Variants in CDH18 observed in about 807,000 individuals in gnomAD.
The protein encoded by CDH18 is cadherin 18.
A neutral mutation model predicts 67.9 loss-of-function variants in CDH18; 31 were observed. That is an observed-to-expected ratio of 0.46 (90% CI 0.34 to 0.62). CDH18 has a LOEUF of 0.62. Among genes scored for constraint, CDH18 ranks in the 20% least tolerant of loss-of-function variants. The pLI is 0.01. For synonymous variants in CDH18, 362 were observed against 347.2 expected (o/e 1.04, Z -0.48); for missense variants, 890 against 975.5 (o/e 0.91, Z 1.17).
chr5:20,373,958 A>G (rs903241415), intron 1 of CDH18, among the ~76,000 whole-genome samples: 1 of 152,194 alleles, frequency 6.6e-6, no homozygotes, highest in Non-Finnish European at 1.5e-5. Flanking sequence ...GTGATTACTG[A>G]ATTTGAGACA....
chr5:20,023,487 G>C (rs111294944), intron 2 of CDH18, among the ~76,000 whole-genome samples: 1 of 151,746 alleles, frequency 6.6e-6, no homozygotes, highest in Non-Finnish European at 1.5e-5. Flanking sequence ...GTGAAACCCC[G>C]TCTCTACTAA....
At chr5:20,296,395 G>A (rs1747532602) in intron 1 of CDH18, among the ~76,000 whole-genome samples, 1 of 151,258 alleles carries the variant, frequency 6.6e-6, no homozygotes, top group African/African-American at 2.4e-5. Context: ...CTGAGTAGCT[G>A]GGACTACAGG....
rs567949714 is a variant in CDH18, at chr5:19,498,440, G to A, written c.1630+4552C>T. The stretch of plus-strand genomic sequence containing the variant: ...ATTGCTCACAAAGGGAAACTGTTCC[G>A]TAGTCTTAAGGTATTTTACAATAGT... On this transcript the variant is annotated intron_variant, in intron 11 of 12. Transcript: ENST00000382275. Among the ~76,000 whole-genome samples, 20 of 152,268 alleles carry A rather than the reference G, an allele frequency of 1.3e-4. No individual in the cohort carries two copies. The South Asian group carries it at 3.3e-3, about 25-fold the overall frequency.
At chr5:19,786,292 G>A (rs978520148) in intron 3 of CDH18, among the ~76,000 whole-genome samples, 18 of 152,152 alleles carry the variant, frequency 1.2e-4, no homozygotes, top group African/African-American at 4.3e-4. Context: ...TTTCAGTAAA[G>A]TCCAATAACT....
intron 1 of CDH18, among the ~76,000 whole-genome samples, chr5:20,393,789 A>T (rs1562028351): frequency 6.6e-6 from 1 of 151,956 alleles, no homozygotes; most frequent in East Asian, 1.9e-4. Context: ...CAAAAAATAC[A>T]ATACAATACA....
chr5:19,795,588 TA>T (rs1776772515), intron 3 of CDH18, among the ~76,000 whole-genome samples: 1 of 152,150 alleles, frequency 6.6e-6, no homozygotes, highest in Non-Finnish European at 1.5e-5. Flanking sequence ...ATGCTAAACC[TA>T]AACTTGGTGA....
intron 1 of CDH18, among the ~76,000 whole-genome samples, chr5:20,414,242 A>G (rs1747075956): frequency 6.6e-6 from 1 of 152,188 alleles, no homozygotes; most frequent in East Asian, 1.9e-4. Context: ...TGTTTATCGT[A>G]GCACTATTCA....
At chr5:19,828,898 C>T (rs374738409) in intron 3 of CDH18, among the ~76,000 whole-genome samples, 2 of 152,134 alleles carry the variant, frequency 1.3e-5, no homozygotes, top group African/African-American at 2.4e-5. Flanking sequence ...ATTAGCTGGG[C>T]GTGGTGGCAT....
intron 2 of CDH18, among the ~76,000 whole-genome samples, chr5:20,141,598 C>A (rs796792612): frequency 1.9e-4 from 29 of 152,238 alleles, no homozygotes; most frequent in African/African-American, 6.7e-4. Context: ...TTGAGGTCAT[C>A]ATGTGACAGA....
intron 1 of CDH18, among the ~76,000 whole-genome samples, chr5:20,411,371 TG>T (rs1746758541): frequency 6.8e-6 from 1 of 148,100 alleles, no homozygotes. Flanking sequence ...CAACTAATTG[TG>T]TTAAGAAAAC....
chr5:19,957,518 A>G (rs1346181975), intron 2 of CDH18, among the ~76,000 whole-genome samples: 1 of 151,846 alleles, frequency 6.6e-6, no homozygotes, highest in African/African-American at 2.4e-5. Context: ...TTCAATTAAG[A>G]TGTACATTGC....
intron 3 of CDH18, among the ~76,000 whole-genome samples, chr5:19,812,879 T>C (rs1252744210): frequency 6.6e-6 from 1 of 152,096 alleles, no homozygotes; most frequent in African/African-American, 2.4e-5. Context: ...ACAAAAGACT[T>C]GGAACTAACC....
intron 1 of CDH18, among the ~76,000 whole-genome samples, chr5:20,550,543 C>A (rs1377379363): frequency 6.6e-6 from 1 of 152,136 alleles, no homozygotes; most frequent in Non-Finnish European, 1.5e-5. Flanking sequence ...TGTTGTCCAT[C>A]AAAGAAACAT....
chr5:20,516,536 T>C (rs924129673), intron 1 of CDH18, among the ~76,000 whole-genome samples: 2 of 151,964 alleles, frequency 1.3e-5, no homozygotes, highest in African/African-American at 4.8e-5. Flanking sequence ...TATTTATACA[T>C]ATAAAATAAG....
intron 2 of CDH18, among the ~76,000 whole-genome samples, chr5:19,882,292 T>C (rs1469064820): frequency 1.3e-5 from 2 of 152,190 alleles, no homozygotes; most frequent in Non-Finnish European, 2.9e-5. Flanking sequence ...AATAGTTTAT[T>C]ATTTTTCATA....
At chr5:19,828,283 G>A (rs1211574384) in intron 3 of CDH18, among the ~76,000 whole-genome samples, 2 of 152,056 alleles carry the variant, frequency 1.3e-5, no homozygotes, top group Admixed American at 6.5e-5. Context: ...GAACTGAAAA[G>A]ATGTATAAGG....
intron 1 of CDH18, among the ~76,000 whole-genome samples, chr5:20,454,357 A>G (rs1468291839): frequency 1.3e-5 from 2 of 152,100 alleles, no homozygotes; most frequent in African/African-American, 2.4e-5. Context: ...CAGGGGAACA[A>G]GGAAGAAATT....
At chr5:20,534,401 T>C (rs1297655520) in intron 1 of CDH18, among the ~76,000 whole-genome samples, 1 of 152,040 alleles carries the variant, frequency 6.6e-6, no homozygotes, top group East Asian at 1.9e-4. Context: ...AATCAAATAA[T>C]ATATTTTTGA....
At chr5:19,987,831 C>A (rs191922988) in intron 1 of CDH18, among the ~76,000 whole-genome samples, 7 of 152,254 alleles carry the variant, frequency 4.6e-5, no homozygotes, top group Admixed American at 3.9e-4. Context: ...TAAACAGACA[C>A]GCAGCTGGAT....
Sources: gnomAD v4.1 joint callset for allele counts (sites outside exome capture counted in the v4.1 genomes callset) on GRCh38, gnomAD v4.1.1 for gene constraint, MANE v1.5 for transcripts, NCBI Gene and HGNC (gene_info 2026-07-23, HGNC 2026-07-21) for gene names.